Variants in DGAT2L6 observed in about 807,000 individuals in gnomAD.
DGAT2L6 encodes the protein diacylglycerol O-acyltransferase 2 like 6.
Under a neutral mutation model 25.5 loss-of-function variants are expected in DGAT2L6, and 22 were observed. The observed-to-expected ratio is 0.86, with a 90% confidence interval of 0.62 to 1.23. The LOEUF is 1.23. Ranked by LOEUF, DGAT2L6 falls within the 50% of genes most tolerant of loss-of-function variation. The probability of loss-of-function intolerance (pLI) is 0.00; values close to 1 mark genes in which losing one functional copy is unlikely to be tolerated. For synonymous variants in DGAT2L6, 100 were observed against 94.7 expected (o/e 1.06, Z -0.32); for missense variants, 287 against 253.2 (o/e 1.13, Z -0.91).
At position 70,186,810 on chromosome X, in the gene DGAT2L6, A is replaced by T. The variant is rs767708757; in HGVS notation, c.85+9143A>T. Among the ~76,000 whole-genome samples, 4 of 112,144 alleles carry T rather than the reference A, an allele frequency of 3.6e-5. No homozygotes were observed. The East Asian group carries it at 1.1e-3, about 31-fold the overall frequency. On this transcript the variant is annotated intron_variant, in intron 1 of 6. Coordinates refer to ENST00000333026, the MANE Select transcript of DGAT2L6 (RefSeq NM_198512.3). ...CTACAGGGCATGGGAACACTAGGCT[A>T]CGAAACACTTTGAGAAATACTAGGC...
chrX:70,198,740 G>A (rs1028496109), intron 1 of DGAT2L6, among the ~76,000 whole-genome samples: 12 of 111,098 alleles, frequency 1.1e-4, no homozygotes, highest in Non-Finnish European at 1.7e-4. Context: ...GGGTTTCACC[G>A]TGTTAGCCAG....
chrX:70,192,379 C>T (rs2085378021), intron 1 of DGAT2L6, among the ~76,000 whole-genome samples: 1 of 112,236 alleles, frequency 8.9e-6, no homozygotes. Context: ...TAAATAACAA[C>T]ATTAAAACAT....
intron 1 of DGAT2L6, among the ~76,000 whole-genome samples, chrX:70,192,108 G>T (rs2085377211): frequency 9.0e-6 from 1 of 111,209 alleles, no homozygotes; most frequent in Non-Finnish European, 1.9e-5. Flanking sequence ...AATTACCCAG[G>T]CATGGTGATG....
intron 1 of DGAT2L6, among the ~76,000 whole-genome samples, chrX:70,198,769 A>G (rs1306910537): frequency 9.0e-6 from 1 of 110,781 alleles, no homozygotes; most frequent in Non-Finnish European, 1.9e-5. Context: ...CGATCTCCTG[A>G]CCTCGTGATC....
chrX:70,177,573 C>T lies in DGAT2L6; in HGVS notation c.-10C>T. 8.3e-7 allele frequency: 1 copy of T among 1,208,758 alleles called. No homozygotes were observed. Among genetic ancestry groups the T allele is most frequent in the Non-Finnish European group, 1.1e-6 (1 of 893,013 alleles). On this transcript the variant is annotated 5_prime_UTR_variant, in exon 1 of 7. Transcript: ENST00000333026. ...TAGGCTTCTTGCCACAACAGAACAG[C>T]ACCATAACCATGGCTTTCTTCTCCC...
intron 1 of DGAT2L6, among the ~76,000 whole-genome samples, chrX:70,178,457 G>A (rs1488302690): frequency 9.0e-6 from 1 of 111,228 alleles, no homozygotes. Flanking sequence ...TTGTTGTTGA[G>A]ATGAAGTTTC....
At position 70,200,357 on chromosome X, in the gene DGAT2L6, G is replaced by A; in HGVS notation, c.370G>A (p.Ala124Thr). Residue 124 changes from alanine (A) to threonine (T), a missense_variant, in exon 4 of 7, where the codon GCC becomes ACC. Transcript: ENST00000333026. ...TGTCTTCATCAACTTTGCCACTGAG[G>A]CCACTGGCATTGCTCGGATTTTCCC... ...FGVFINFATE[A>T]TGIARIFPSI... is the part of the protein sequence containing the mutation. 1 of 1,210,525 alleles carries A rather than the reference G, an allele frequency of 8.3e-7. No homozygotes were observed. Among genetic ancestry groups the A allele is most frequent in the Non-Finnish European group, 1.1e-6 (1 of 894,327 alleles).
rs772161067 is a variant in DGAT2L6 at position 70,188,312 on chromosome X, T to A, written c.85+10645T>A. Among the ~76,000 whole-genome samples, 5 of 111,511 alleles carry A rather than the reference T, an allele frequency of 4.5e-5. No homozygotes were observed. The South Asian group carries it at 1.5e-3, about 34-fold the overall frequency. The stretch of plus-strand genomic sequence containing the variant: ...AGAAAACAACTATCCTAAATGTGCA[T>A]GCATCAAATGATAGAACTGCAAAAT... On this transcript the variant is annotated intron_variant, in intron 1 of 6. Coordinates refer to ENST00000333026, the MANE Select transcript of DGAT2L6 (RefSeq NM_198512.3).
chrX:70,180,689 A>G (rs2085340798), intron 1 of DGAT2L6, among the ~76,000 whole-genome samples: 1 of 111,180 alleles, frequency 9.0e-6, no homozygotes, highest in South Asian at 3.8e-4. Context: ...CCATTACACA[A>G]TAACTCCCTA....
intron 1 of DGAT2L6, among the ~76,000 whole-genome samples, chrX:70,190,912 G>A: frequency 8.9e-6 from 1 of 112,312 alleles, no homozygotes; most frequent in East Asian, 2.8e-4. Flanking sequence ...GCAGGCCTCA[G>A]TCTTGGCTAT....
chrX:70,180,627 A>G (rs1361266278), intron 1 of DGAT2L6, among the ~76,000 whole-genome samples: 3 of 111,314 alleles, frequency 2.7e-5, no homozygotes, highest in African/African-American at 9.8e-5. Flanking sequence ...TTCACAATGC[A>G]TGGCCACCAT....
At chrX:70,183,524 G>A (rs756816413) in intron 1 of DGAT2L6, among the ~76,000 whole-genome samples, 23 of 112,010 alleles carry the variant, frequency 2.1e-4, no homozygotes, top group Admixed American at 1.9e-4. Flanking sequence ...TATCTTTGGT[G>A]CCCTCTACCC....
chrX:70,205,424 T>C lies in DGAT2L6; in HGVS notation c.*318T>C. 4.8e-6 allele frequency: 1 copy of C among 210,263 alleles called. No individual in the cohort carries two copies. The highest frequency in any genetic ancestry group is 8.6e-6 in the Non-Finnish European group (1 of 116,157). The allele number at this position is 210,263 out of a possible 1,213,427, so 17.3% of individuals were successfully genotyped here. A position where few individuals can be genotyped will look rare whatever the true frequency, so the allele number is the denominator to read the frequency against. On this transcript the variant is annotated 3_prime_UTR_variant, in exon 7 of 7. Coordinates refer to ENST00000333026, the MANE Select transcript of DGAT2L6 (RefSeq NM_198512.3). ...AGTCTTATGAATCATTCCAGCCAAC[T>C]CTCTGATCACAAAGAATACTGTGCC...
rs998421522 is a variant in DGAT2L6, at chrX:70,202,786, T to C, written c.647+722T>C. Among the ~76,000 whole-genome samples the C allele has an allele frequency of 2.7e-5, 3 of 111,526 alleles. No individual in the cohort carries two copies. The Admixed American group carries it at 2.9e-4, about 11-fold the overall frequency. On this transcript the variant is annotated intron_variant, in intron 5 of 6. Transcript: ENST00000333026. ...CTATTCCCAGCTTCAGCCAGGATGA[T>C]CCTGTTAAACATGAGTCAGATCATG...
chrX:70,200,308 C>T lies in DGAT2L6; in HGVS notation c.321C>T (p.His107=). Residue 107 remains histidine (H), a synonymous_variant, in exon 4 of 7, where the codon CAC becomes CAT. Transcript: ENST00000333026. The part of the protein sequence containing the change: ...SPKHNYIIAN[H]PHGILSFGVF... ...AACACAACTACATCATTGCCAATCA[C>T]CCCCATGGCATTCTCTCTTTTGGTG... 5.8e-6 allele frequency: 7 copies of T among 1,211,294 alleles called. No individual in the cohort carries two copies. The highest frequency in any genetic ancestry group is 7.8e-6 in the Non-Finnish European group (7 of 895,166).
In DGAT2L6 at chrX:70,202,049, T is replaced by C. The variant is rs771682108; in HGVS notation, c.632T>C (p.Met211Thr). ...AAGCAGCGTAAAGGTTTTGTGAAGA[T>C]GGCACTGCAAACAGGGTGGGTTCCA... Reference protein sequence around the residue: ...FLKQRKGFVKMALQTGAYLVP... With the variant: ...FLKQRKGFVKTALQTGAYLVP... The change falls in exon 5 of 7, where the codon ATG becomes ACG. Residue 211 changes from methionine (M) to threonine (T), a missense_variant. Met to Thr is a moderately conservative substitution (Grantham distance 81). Transcript: ENST00000333026. 2.5e-6 allele frequency: 3 copies of C among 1,195,447 alleles called. No individual in the cohort carries two copies. The highest frequency in any genetic ancestry group is 3.4e-6 in the Non-Finnish European group (3 of 887,887).
rs1231743232 is a variant in DGAT2L6 at position 70,177,616 on chromosome X, G to A, written c.34G>A (p.Gly12Ser). Residue 12 changes from glycine to serine, a missense_variant, in exon 1 of 7, where the codon GGC becomes AGC. By Grantham distance (56) the Gly-to-Ser change is moderately conservative. Coordinates refer to ENST00000333026, the MANE Select transcript of DGAT2L6 (RefSeq NM_198512.3). ...AFFSRLNLQE[G>S]LQTFFVLQWI... is the part of the protein sequence containing the mutation. ...CTTCTCCCGACTGAATCTCCAGGAG[G>A]GCCTCCAAACCTTCTTTGTTTTGCA... 13 of 1,209,090 alleles carry A rather than the reference G, an allele frequency of 1.1e-5. No homozygotes were observed. Among genetic ancestry groups the A allele is most frequent in the African/African-American group, 1.8e-5 (1 of 57,110 alleles).
intron 5 of DGAT2L6, among the ~76,000 whole-genome samples, chrX:70,202,853 G>A (rs1422384252): frequency 9.0e-6 from 1 of 111,705 alleles, no homozygotes; most frequent in Non-Finnish European, 1.9e-5. Flanking sequence ...GTCACTCAGA[G>A]TAAAAGCCAA....
In DGAT2L6 at chrX:70,178,217, G is replaced by C. The variant is rs373412319; in HGVS notation, c.85+550G>C. 7.6e-4 allele frequency among the ~76,000 whole-genome samples: 84 copies of C among 110,808 alleles called. 4 individuals carry two copies. The highest frequency in any genetic ancestry group is 7.1e-3 in the East Asian group (25 of 3,518). On this transcript the variant is annotated intron_variant, in intron 1 of 6. Transcript: ENST00000333026. ...CTAGCTGAAAAGAGTCATATTCAGG[G>C]ACAGGGCAGAAGTGGTGGTGGCTTA...
Sources: gnomAD v4.1 joint callset for allele counts (sites outside exome capture counted in the v4.1 genomes callset) on GRCh38, gnomAD v4.1.1 for gene constraint, MANE v1.5 for transcripts, NCBI Gene and HGNC (gene_info 2026-07-23, HGNC 2026-07-21) for gene names.